Variants in BST2 observed in about 807,000 individuals in gnomAD.
BST2 encodes the protein bone marrow stromal cell antigen 2.
In BST2, 10 loss-of-function variants were observed where a neutral mutation model predicts 18.6. The ratio of observed to expected loss-of-function variants is 0.54; its 90% CI spans 0.33 to 0.91. The LOEUF (loss-of-function observed/expected upper bound fraction) is 0.91. BST2 is among the 40% of genes least tolerant of loss of function. BST2 has a pLI of 0.02. For synonymous variants in BST2, 75 were observed against 96.8 expected (o/e 0.77, Z 1.32); for missense variants, 183 against 228.4 (o/e 0.80, Z 1.28).
chr19:17,403,653 T>G, intron 4 of BST2, 27 bp downstream of exon 4: 1 of 1,513,796 alleles, frequency 6.6e-7, no homozygotes. Flanking sequence ...TTCTTCTCCC[T>G]CCCGGGGCCG....
At chr19:17,404,069 G>A in intron 3 of BST2, 60 bp downstream of exon 3, 1 of 1,508,230 alleles carries the variant, frequency 6.6e-7, no homozygotes, top group Non-Finnish European at 9.0e-7. Flanking sequence ...CTTGGGCTAG[G>A]GATGTGGGGG....
At chr19:17,404,696 T>A (rs1337033271) in intron 1 of BST2, among the ~76,000 whole-genome samples, 1 of 152,078 alleles carries the variant, frequency 6.6e-6, no homozygotes, top group African/African-American at 2.4e-5. Context: ...TTGGAGGCTA[T>A]CGATAACCAA....
At chr19:17,403,847 G>T in intron 3 of BST2, 23 bp from the exon 4 acceptor site, 1 of 1,603,784 alleles carries the variant, frequency 6.2e-7, no homozygotes. Flanking sequence ...TGGCAAATCA[G>T]GCATCTGCTC....
In BST2 at chr19:17,403,774, G is replaced by A; in HGVS notation, c.464C>T (p.Pro155Leu). The A allele has an allele frequency of 6.2e-7, 1 of 1,613,968 alleles. No homozygotes were observed. Among genetic ancestry groups the A allele is most frequent in the Non-Finnish European group, 8.5e-7 (1 of 1,179,996 alleles). Residue 155 changes from proline to leucine, a missense_variant, in exon 4 of 5, where the codon CCC (proline) becomes CTC (leucine). Physicochemically the swap from Pro to Leu is moderately conservative, Grantham distance 98 (BLOSUM62 -3). Coordinates refer to ENST00000252593, the MANE Select transcript of BST2 (RefSeq NM_004335.4). ...SVRIADKKYYPSSQDSSSAAA... is the reference protein window; with the variant it reads ...SVRIADKKYYLSSQDSSSAAA... Reference sequence around the variant, plus strand: ...AGCGGAGCTGGAGTCCTGGGAGCTGGGGTAGTACTTCTTGTCCGCGATTCT... The same window carrying A: ...AGCGGAGCTGGAGTCCTGGGAGCTGAGGTAGTACTTCTTGTCCGCGATTCT...
chr19:17,403,125 G>T lies in BST2; in HGVS notation c.*217C>A, dbSNP rs1299629021. The T allele has an allele frequency of 2.0e-6, 2 of 985,596 alleles. No individual in the cohort carries two copies. The highest frequency in any genetic ancestry group is 2.4e-6 in the Non-Finnish European group (2 of 830,304). 61.1% of individuals were successfully genotyped at this position (985,596 alleles called of 1,614,324 possible). ...TCATTGTCCGGAGGGAGGCTCTGGA[G>T]GGAGACAGCCCTGGGTCAACCCGAC... On this transcript the variant is annotated 3_prime_UTR_variant, in exon 5 of 5. Coordinates refer to ENST00000252593, the MANE Select transcript of BST2 (RefSeq NM_004335.4).
chr19:17,403,830 G>A lies in BST2; in HGVS notation c.414-6C>T. 4 of 1,476,958 alleles carry A rather than the reference G, an allele frequency of 2.7e-6. No individual in the cohort carries two copies. Among genetic ancestry groups the A allele is most frequent in the Admixed American group, 2.2e-5 (1 of 46,370 alleles). 91.5% of individuals were successfully genotyped at this position (1,476,958 alleles called of 1,614,324 possible). ...TTAAGACCTGGTTTTCTCTTCTGCGGTACAGATGGCAAATCAGGCATCTGC... is the reference window on the plus strand; with the variant it reads ...TTAAGACCTGGTTTTCTCTTCTGCGATACAGATGGCAAATCAGGCATCTGC... On this transcript the variant is annotated splice_polypyrimidine_tract_variant and splice_region_variant and intron_variant, in intron 3 of 4. Transcript: ENST00000252593.
In BST2 at chr19:17,405,520, C is replaced by T. The variant is rs376557702; in HGVS notation, c.56G>A (p.Arg19His). ...CRVPMEDGDKRCKLLLGIGIL... is the reference protein window; with the variant it reads ...CRVPMEDGDKHCKLLLGIGIL... ...TCCTATCCCCAGCAGAAGCTTACAGCGCTTATCCCCGTCTTCCATGGGCAC... is the reference window on the plus strand; with the variant it reads ...TCCTATCCCCAGCAGAAGCTTACAGTGCTTATCCCCGTCTTCCATGGGCAC... Residue 19 changes from arginine to histidine, a missense_variant, in exon 1 of 5, where the codon CGC becomes CAC. Physicochemically the swap from Arg to His is conservative, Grantham distance 29. Coordinates refer to ENST00000252593, the MANE Select transcript of BST2 (RefSeq NM_004335.4). 50 of 1,614,080 alleles carry T rather than the reference C, an allele frequency of 3.1e-5. No individual in the cohort carries two copies. The highest frequency in any genetic ancestry group is 1.6e-4 in the Middle Eastern group (1 of 6,084).
intron 1 of BST2, 197 bp from the exon 2 acceptor site, chr19:17,404,634 T>A: frequency 1.4e-6 from 1 of 722,804 alleles, no homozygotes; most frequent in Non-Finnish European, 2.2e-6. Context: ...GGGCCACCCA[T>A]AAGCATGTGG....
chr19:17,404,954 C>G (rs767270146), intron 1 of BST2, among the ~76,000 whole-genome samples: 2 of 152,186 alleles, frequency 1.3e-5, no homozygotes, highest in Non-Finnish European at 2.9e-5. Context: ...TCTACTCCCC[C>G]AGGACTGGTG....
chr19:17,404,305 T>TG, intron 2 of BST2, 66 bp downstream of exon 2: 1 of 1,280,334 alleles, frequency 7.8e-7, no homozygotes, highest in Non-Finnish European at 1.1e-6. Context: ...CTGGTCTCCC[T>TG]GCCCCCACCC....
intron 1 of BST2, among the ~76,000 whole-genome samples, chr19:17,404,781 C>A: frequency 6.6e-6 from 1 of 152,148 alleles, no homozygotes; most frequent in Admixed American, 6.5e-5. Context: ...ATCCAGAATG[C>A]AGTGGGATTT....
At chr19:17,403,882 G>GT in intron 3 of BST2, 58 bp from the exon 4 acceptor site, 1 of 1,578,294 alleles carries the variant, frequency 6.3e-7, no homozygotes, top group East Asian at 2.2e-5. Context: ...CGCCCTCCCT[G>GT]TAAGCCCACC....
intron 3 of BST2, 111 bp downstream of exon 3, chr19:17,404,018 T>C: frequency 1.4e-6 from 2 of 1,386,948 alleles, no homozygotes; most frequent in Non-Finnish European, 2.0e-6. Flanking sequence ...ACTTTATCCC[T>C]TGGGGCAATG....
Position 17,405,401 on chromosome 19 carries a change from C to A in BST2, c.175G>T (p.Ala59Ser). 6.2e-7 allele frequency: 1 copy of A among 1,614,252 alleles called. No individual in the cohort carries two copies. Among genetic ancestry groups the A allele is most frequent in the Non-Finnish European group, 8.5e-7 (1 of 1,180,052 alleles). ...NSEACRDGLR[A>S]VMECRNVTHL... is the part of the protein sequence containing the mutation. ...GTGACATTGCGACACTCCATCACTGCCCGAAGGCCGTCCCGGCAGGCCTCG... is the reference window on the plus strand; with the variant it reads ...GTGACATTGCGACACTCCATCACTGACCGAAGGCCGTCCCGGCAGGCCTCG... The change falls in exon 1 of 5, where the codon GCA becomes TCA. Residue 59 changes from alanine to serine, a missense_variant. By Grantham distance (99) the Ala-to-Ser change is moderately conservative (BLOSUM62 1). Transcript: ENST00000252593.
At position 17,403,058 on chromosome 19, in the gene BST2, C is replaced by T. The variant is rs1392562816; in HGVS notation, c.*284G>A. 3 of 984,926 alleles carry T rather than the reference C, an allele frequency of 3.0e-6. No individual in the cohort carries two copies. The highest frequency in any genetic ancestry group is 2.3e-4 in the East Asian group (2 of 8,806). 61.0% of individuals were successfully genotyped at this position (984,926 alleles called of 1,614,324 possible). A position where few individuals can be genotyped will look rare whatever the true frequency, so the allele number is the denominator to read the frequency against. On this transcript the variant is annotated 3_prime_UTR_variant, in exon 5 of 5. Coordinates refer to ENST00000252593, the MANE Select transcript of BST2 (RefSeq NM_004335.4). ...CAGGCAGCACATGCCCCCCACACCG[C>T]ACCCCATGCCCAATCTCAGGGTGGG...
Position 17,405,350 on chromosome 19 carries a change from C to G in BST2, c.226G>C (p.Glu76Gln). 1 of 1,614,166 alleles carries G rather than the reference C, an allele frequency of 6.2e-7. No individual in the cohort carries two copies. The highest frequency in any genetic ancestry group is 1.1e-5 in the South Asian group (1 of 91,082). ...ACATCCTGAAAGCCCTTCTGGGCCTCGGTCAGCTCTTGTTGCAGGAGATGG... is the reference window on the plus strand; with the variant it reads ...ACATCCTGAAAGCCCTTCTGGGCCTGGGTCAGCTCTTGTTGCAGGAGATGG... ...VTHLLQQELT[E>Q]AQKGFQDVEA... Residue 76 changes from glutamate (E) to glutamine (Q), a missense_variant, in exon 1 of 5, where the codon GAG becomes CAG. Physicochemically the swap from Glu to Gln is conservative, Grantham distance 29. Transcript: ENST00000252593.
Position 17,405,622 on chromosome 19 carries a change from G to T in BST2, c.-47C>A. The T allele has an allele frequency of 6.6e-7, 1 of 1,508,818 alleles. No individual in the cohort carries two copies. The highest frequency in any genetic ancestry group is 9.0e-7 in the Non-Finnish European group (1 of 1,111,942). The allele number at this position is 1,508,818 out of a possible 1,614,324, so 93.5% of individuals were successfully genotyped here. A position where few individuals can be genotyped will look rare whatever the true frequency, so the allele number is the denominator to read the frequency against. ...TGGCCTGGAGTTAGGGGAGGGTGCT[G>T]GAATCTTCTACGGGCCACCCCTTTA... On this transcript the variant is annotated 5_prime_UTR_variant, in exon 1 of 5. Transcript: ENST00000252593.
Position 17,403,277 on chromosome 19 carries a change from A to G in BST2, c.*65T>C. Reference sequence around the variant, plus strand: ...GACCCGCTCAGAACTGATGAGATCAAGGGAATGTTCAAGCGAAAAGCCGAG... The same window carrying G: ...GACCCGCTCAGAACTGATGAGATCAGGGGAATGTTCAAGCGAAAAGCCGAG... On this transcript the variant is annotated 3_prime_UTR_variant, in exon 5 of 5. Transcript: ENST00000252593. 1 of 1,057,792 alleles carries G rather than the reference A, an allele frequency of 9.5e-7. No individual in the cohort carries two copies. Among genetic ancestry groups the G allele is most frequent in the Middle Eastern group, 4.6e-4 (1 of 2,178 alleles). The allele number at this position is 1,057,792 out of a possible 1,614,324, so 65.5% of individuals were successfully genotyped here.
intron 1 of BST2, among the ~76,000 whole-genome samples, 176 bp downstream of exon 1, chr19:17,405,115 G>A (rs748717976): frequency 1.3e-5 from 2 of 152,220 alleles, no homozygotes; most frequent in Non-Finnish European, 2.9e-5. Flanking sequence ...GACTGGGTTA[G>A]GGGCCCACAA....
Sources: allele counts gnomAD v4.1 joint callset (sites outside exome capture counted in the v4.1 genomes callset), GRCh38; gene constraint gnomAD v4.1.1; transcripts MANE v1.5; gene names NCBI Gene and HGNC (gene_info 2026-07-23, HGNC 2026-07-21).